The following MAGI2 variants were observed in gnomAD, a reference collection of about 807,000 sequenced individuals.
The protein encoded by MAGI2 is membrane associated guanylate kinase, WW and PDZ domain containing 2, also known as membrane-associated guanylate kinase, WW and PDZ domain-containing protein 2.
Under a neutral mutation model 133.3 loss-of-function variants are expected in MAGI2, and 35 were observed. The ratio of observed to expected loss-of-function variants is 0.26; its 90% CI spans 0.20 to 0.35. The LOEUF (loss-of-function observed/expected upper bound fraction) is 0.35. Among genes scored for constraint, MAGI2 ranks in the 10% least tolerant of loss-of-function variants. The pLI is 1.00. For missense variants in MAGI2, 1,636 were observed against 1,863.4 expected, an observed-to-expected ratio of 0.88 and a Z score of 2.25; for synonymous variants, 729 against 710.6, an observed-to-expected ratio of 1.03 and a Z score of -0.41.
At chr7:78,223,357 AG>A (rs1365541161) in intron 10 of MAGI2, among the ~76,000 whole-genome samples, 2 of 152,192 alleles carry the variant, frequency 1.3e-5, no homozygotes, top group Admixed American at 6.5e-5. Flanking sequence ...CTTGACCTAC[AG>A]GTTTGAAGAA....
At chr7:78,133,211 T>C (rs1821753461) in intron 17 of MAGI2, 151 bp from the exon 18 acceptor site, 2 of 614,876 alleles carry the variant, frequency 3.3e-6, no homozygotes, top group East Asian at 2.8e-5. Flanking sequence ...GTTAATCTTA[T>C]CAAGTTCTAA....
intron 14 of MAGI2, among the ~76,000 whole-genome samples, chr7:78,177,293 T>C (rs1166638609): frequency 1.3e-5 from 2 of 152,192 alleles, no homozygotes; most frequent in Non-Finnish European, 2.9e-5. Flanking sequence ...GGGTACCATT[T>C]AAGACACATC....
chr7:79,146,421 T>C (rs1160791688), intron 1 of MAGI2, among the ~76,000 whole-genome samples: 1 of 152,208 alleles, frequency 6.6e-6, no homozygotes, highest in African/African-American at 2.4e-5. Context: ...CTATCCTGTG[T>C]CCTTTGCCTC....
chr7:78,637,590 A>C (rs1809812936), intron 2 of MAGI2, among the ~76,000 whole-genome samples: 2 of 152,218 alleles, frequency 1.3e-5, no homozygotes, highest in Admixed American at 1.3e-4. Context: ...TGATTTGCTA[A>C]ATGTTAAAAT....
intron 1 of MAGI2, among the ~76,000 whole-genome samples, chr7:79,240,704 C>A (rs988787982): frequency 6.6e-6 from 1 of 152,182 alleles, no homozygotes; most frequent in Admixed American, 6.5e-5. Flanking sequence ...TATTGAGCAG[C>A]TTTGCATATA....
chr7:78,251,100 G>A (rs1334859528), intron 10 of MAGI2, among the ~76,000 whole-genome samples: 1 of 152,116 alleles, frequency 6.6e-6, no homozygotes, highest in African/African-American at 2.4e-5. Flanking sequence ...ATCGTGTTAT[G>A]TAATATACCA....
intron 1 of MAGI2, among the ~76,000 whole-genome samples, chr7:79,024,347 C>T (rs1227044625): frequency 6.6e-6 from 1 of 151,810 alleles, no homozygotes; most frequent in Non-Finnish European, 1.5e-5. Flanking sequence ...ATGGATTAAA[C>T]ACATAAGTCT....
intron 4 of MAGI2, 98 bp from the exon 5 acceptor site, chr7:78,501,885 A>G (rs1794659668): frequency 1.2e-6 from 1 of 823,504 alleles, no homozygotes; most frequent in Non-Finnish European, 2.0e-6. Context: ...GTCATGAATA[A>G]CTTCTATGAA....
chr7:79,453,457 CT>C lies in MAGI2; in HGVS notation c.-138del. 1 of 1,474,528 alleles carries C rather than the reference CT, an allele frequency of 6.8e-7. No homozygotes were observed. Among genetic ancestry groups the C allele is most frequent in the Non-Finnish European group, 8.9e-7 (1 of 1,120,428 alleles). 91.3% of individuals were successfully genotyped at this position (1,474,528 alleles called of 1,614,324 possible). A position where few individuals can be genotyped will look rare whatever the true frequency, so the allele number is the denominator to read the frequency against. ...TGCCTTCGCCCCCCTCTATTCGGTG[CT>C]TTCCCTCTTCTTTGGATGGAGTGTG... On this transcript the variant is annotated 5_prime_UTR_variant, in exon 1 of 22. Transcript: ENST00000354212.
At chr7:79,255,982 A>C (rs1011222389) in intron 1 of MAGI2, among the ~76,000 whole-genome samples, 1 of 152,214 alleles carries the variant, frequency 6.6e-6, no homozygotes, top group Non-Finnish European at 1.5e-5. Flanking sequence ...CTTTAATATA[A>C]GCAGTGTGGA....
At chr7:78,644,447 C>T (rs1340140578) in intron 2 of MAGI2, among the ~76,000 whole-genome samples, 1 of 152,028 alleles carries the variant, frequency 6.6e-6, no homozygotes, top group African/African-American at 2.4e-5. Context: ...CAAGACACAT[C>T]ATAAAAATGA....
intron 1 of MAGI2, among the ~76,000 whole-genome samples, chr7:79,427,509 G>C (rs1847473184): frequency 6.6e-6 from 1 of 152,108 alleles, no homozygotes; most frequent in Non-Finnish European, 1.5e-5. Flanking sequence ...GAGCAATCAA[G>C]GGATGATATG....
chr7:78,305,680 G>A lies in MAGI2; in HGVS notation c.1408+38098C>T, dbSNP rs569425190. Among the ~76,000 whole-genome samples, 278 of 152,170 alleles carry A rather than the reference G, an allele frequency of 1.8e-3. 1 individual carries two copies. Among genetic ancestry groups the A allele is most frequent in the African/African-American group, 6.2e-3 (259 of 41,518 alleles). On this transcript the variant is annotated intron_variant, in intron 9 of 21. Transcript: ENST00000354212. ...GGGGGACTCAGGAATCCTCTAGAAG[G>A]GCAACTCCCTTTGCATTCTCCAAGG...
intron 1 of MAGI2, chr7:79,411,287 A>C (rs1281252807): frequency 6.6e-6 from 1 of 152,166 alleles, no homozygotes; most frequent in Non-Finnish European, 1.5e-5. Flanking sequence ...AGAAGAATTA[A>C]GGTTGCTAAT....
In MAGI2 at chr7:79,178,154, T is replaced by C. The variant is rs115259511; in HGVS notation, c.302-170948A>G. Reference sequence around the variant, plus strand: ...TAAATTTCTACTAATTCTCTCTTTCTTGTCGCTGTACTTCCCTTATTTTGT... The same window carrying C: ...TAAATTTCTACTAATTCTCTCTTTCCTGTCGCTGTACTTCCCTTATTTTGT... On this transcript the variant is annotated intron_variant, in intron 1 of 21. Coordinates refer to ENST00000354212, the MANE Select transcript of MAGI2 (RefSeq NM_012301.4). Among the ~76,000 whole-genome samples the C allele has an allele frequency of 6.1e-3, 929 of 152,006 alleles. 18 individuals are homozygous for C. Among genetic ancestry groups the C allele is most frequent in the African/African-American group, 0.021 (864 of 41,312 alleles).
At chr7:78,646,837 T>C (rs1459239386) in intron 2 of MAGI2, among the ~76,000 whole-genome samples, 2 of 152,210 alleles carry the variant, frequency 1.3e-5, no homozygotes, top group African/African-American at 4.8e-5. Context: ...CTCTACATTC[T>C]TTTCAAAAGT....
At chr7:79,300,489 A>C (rs10252829) in intron 1 of MAGI2, among the ~76,000 whole-genome samples, 4,364 of 152,274 alleles carry the variant, frequency 0.029, 184 homozygotes, top group African/African-American at 0.099. Flanking sequence ...TTAAGCAGCA[A>C]AGCTTTCAAG....
At chr7:78,336,779 GAAAA>G (rs1208267280) in intron 9 of MAGI2, among the ~76,000 whole-genome samples, 132 of 92,258 alleles carry the variant, frequency 1.4e-3, no homozygotes, top group Middle Eastern at 5.5e-3. Flanking sequence ...AGAAGAAGAA[GAAAA>G]GAAAGAAGAA....
At chr7:78,233,788 C>G (rs561459453) in intron 10 of MAGI2, among the ~76,000 whole-genome samples, 1 of 152,192 alleles carries the variant, frequency 6.6e-6, no homozygotes, top group Non-Finnish European at 1.5e-5. Flanking sequence ...GAGTGACTTC[C>G]TTCCAGAGCA....
Sources: gnomAD v4.1 joint callset for allele counts (sites outside exome capture counted in the v4.1 genomes callset) on GRCh38, gnomAD v4.1.1 for gene constraint, MANE v1.5 for transcripts, NCBI Gene and HGNC (gene_info 2026-07-23, HGNC 2026-07-21) for gene names.